Variants in ANK2 observed in about 807,000 individuals in gnomAD.
ANK2 encodes the protein ankyrin-2.
A neutral mutation model predicts 360.5 loss-of-function variants in ANK2; 83 were observed. The ratio of observed to expected loss-of-function variants is 0.23; its 90% confidence interval spans 0.19 to 0.28. ANK2 has a LOEUF of 0.28. Among genes scored for constraint, ANK2 ranks in the 10% least tolerant of loss-of-function variants. The pLI is 1.00. For synonymous variants in ANK2, 1,740 were observed against 1,759.5 expected, an observed-to-expected ratio of 0.99 and a Z score of 0.28; for missense variants, 4,201 against 4,795.7, an observed-to-expected ratio of 0.88 and a Z score of 3.66.
At chr4:112,833,945 C>T (rs552766574) in intron 1 of ANK2, among the ~76,000 whole-genome samples, 36 of 152,206 alleles carry the variant, frequency 2.4e-4, no homozygotes, top group East Asian at 1.9e-3. Flanking sequence ...GTGTGCCTTC[C>T]GAGTATATTG....
At chr4:113,007,375 A>G (rs559748161) in intron 2 of ANK2, among the ~76,000 whole-genome samples, 2 of 152,280 alleles carry the variant, frequency 1.3e-5, no homozygotes, top group South Asian at 4.1e-4. Flanking sequence ...CAGAGCACCC[A>G]AAGATTTATC....
At chr4:113,039,513 T>A (rs2062422793) in intron 2 of ANK2, among the ~76,000 whole-genome samples, 1 of 150,590 alleles carries the variant, frequency 6.6e-6, no homozygotes, top group African/African-American at 2.4e-5. Context: ...CATTTCTGCC[T>A]CATAGATAAT....
At chr4:113,146,516 T>C (rs911593755) in intron 1 of ANK2, among the ~76,000 whole-genome samples, 2 of 152,228 alleles carry the variant, frequency 1.3e-5, no homozygotes, top group Non-Finnish European at 2.9e-5. Context: ...GCTTTTCTTG[T>C]TATGATAGTA....
rs2098792360 is a variant in ANK2, at chr4:113,199,039, C to G, written c.314C>G (p.Ser105Cys). 1 of 1,613,248 alleles carries G rather than the reference C, an allele frequency of 6.2e-7. No individual in the cohort carries two copies. The highest frequency in any genetic ancestry group is 8.5e-7 in the Non-Finnish European group (1 of 1,179,508). The change falls in exon 4 of 46, where the codon TCT becomes TGT. Residue 105 changes from serine (S) to cysteine (C), a missense_variant. This residue lies in a region of ANK2 where 169 missense variants were observed against 191.1 expected (regional missense o/e 0.88). Coordinates refer to ENST00000357077, the MANE Select transcript of ANK2 (RefSeq NM_001148.6). ...KKGNTALHIA[S>C]LAGQAEVVKV... ...GGAAATACCGCTCTTCACATTGCAT[C>G]TTTGGCTGGACAAGCAGAAGTTGTC...
intron 20 of ANK2, 47 bp downstream of exon 20, chr4:113,288,533 A>G: frequency 6.6e-7 from 1 of 1,510,432 alleles, no homozygotes. Flanking sequence ...AAAAAGGTTC[A>G]GCCATCTGGA....
In ANK2 at chr4:113,122,177, T is replaced by C. The variant is rs114287257; in HGVS notation, c.85-52239T>C. Among the ~76,000 whole-genome samples, 1,457 of 152,188 alleles carry C rather than the reference T, an allele frequency of 9.6e-3. 24 individuals are homozygous for C. Among genetic ancestry groups the C allele is most frequent in the African/African-American group, 0.032 (1,339 of 41,532 alleles). On this transcript the variant is annotated intron_variant, in intron 1 of 45. Coordinates refer to ENST00000357077, the MANE Select transcript of ANK2 (RefSeq NM_001148.6). ...ATAAGAATGAGTTGAAAGTGAAACA[T>C]AGTGTAAAACTGAGCATGCTTTCCC...
At chr4:112,986,794 T>C (rs1022970822) in intron 2 of ANK2, among the ~76,000 whole-genome samples, 10 of 152,140 alleles carry the variant, frequency 6.6e-5, no homozygotes, top group Non-Finnish European at 2.9e-5. Flanking sequence ...GGGGTAGCAG[T>C]TTAGAGTGAA....
chr4:113,381,374 C>A, intron 45 of ANK2, 83 bp from the exon 46 acceptor site: 1 of 1,424,328 alleles, frequency 7.0e-7, no homozygotes, highest in Non-Finnish European at 9.9e-7. Flanking sequence ...ATTAGGTACT[C>A]AGTGTAATGG....
chr4:112,725,422 G>A, the ANK2 span, among the ~76,000 whole-genome samples: 6 of 129,210 alleles, frequency 4.6e-5, no homozygotes, highest in South Asian at 3.0e-4. Context: ...GTGCAGTGGC[G>A]CCATCTCGGC....
intron 24 of ANK2, among the ~76,000 whole-genome samples, chr4:113,317,234 A>C (rs1470681207): frequency 1.3e-5 from 2 of 152,184 alleles, no homozygotes. Context: ...ATAGAGAGAG[A>C]ATGGAAAATA....
At chr4:112,732,354 G>A in the ANK2 span, among the ~76,000 whole-genome samples, 2 of 72,344 alleles carry the variant, frequency 2.8e-5, no homozygotes, top group East Asian at 3.8e-3. Context: ...AAACTACTGG[G>A]CCCAACCAAT....
the ANK2 span, among the ~76,000 whole-genome samples, chr4:112,808,095 G>A: frequency 1.3e-5 from 2 of 152,212 alleles, no homozygotes; most frequent in Non-Finnish European, 2.9e-5. Context: ...AGCTCAATGT[G>A]AGCCAATAGT....
At chr4:112,796,576 C>A in the ANK2 span, among the ~76,000 whole-genome samples, 1 of 151,480 alleles carries the variant, frequency 6.6e-6, no homozygotes, top group Non-Finnish European at 1.5e-5. Context: ...TCTCGAACTT[C>A]TGGCCTCAAG....
intron 2 of ANK2, among the ~76,000 whole-genome samples, chr4:112,991,781 A>G (rs2046924754): frequency 6.6e-6 from 1 of 152,008 alleles, no homozygotes; most frequent in Admixed American, 6.6e-5. Context: ...TACTTTGTTT[A>G]GCAATTCCCT....
chr4:113,031,919 G>A (rs1375623090), intron 2 of ANK2, among the ~76,000 whole-genome samples: 1 of 151,850 alleles, frequency 6.6e-6, no homozygotes, highest in South Asian at 2.1e-4. Flanking sequence ...CAAGACATTT[G>A]TATTCACTCA....
At chr4:113,233,204 G>T (rs867960286) in intron 5 of ANK2, among the ~76,000 whole-genome samples, 116 of 123,316 alleles carry the variant, frequency 9.4e-4, no homozygotes, top group Admixed American at 3.0e-3. Flanking sequence ...GCGGGATCTC[G>T]GCTCACTGCA....
chr4:112,765,035 A>T, the ANK2 span, among the ~76,000 whole-genome samples: 1 of 152,288 alleles, frequency 6.6e-6, no homozygotes, highest in African/African-American at 2.4e-5. Flanking sequence ...GCACTTTATA[A>T]ATATTAACTC....
At chr4:112,896,089 C>A (rs143732292) in intron 1 of ANK2, among the ~76,000 whole-genome samples, 145 of 152,324 alleles carry the variant, frequency 9.5e-4, no homozygotes, top group Non-Finnish European at 1.6e-3. Context: ...AAGTCTCTGA[C>A]AGAGAAAAAG....
At chr4:113,056,083 G>T (rs2069650805) in intron 1 of ANK2, among the ~76,000 whole-genome samples, 1 of 152,136 alleles carries the variant, frequency 6.6e-6, no homozygotes, top group African/African-American at 2.4e-5. Context: ...TGTTGTAGAT[G>T]TATCCATCAG....
Sources: allele counts gnomAD v4.1 joint callset (sites outside exome capture counted in the v4.1 genomes callset), GRCh38; gene constraint gnomAD v4.1.1; regional missense constraint gnomAD v4.1.1; transcripts MANE v1.5; gene names NCBI Gene and HGNC (gene_info 2026-07-23, HGNC 2026-07-21).